RERE: variants seen among roughly 807,000 people sequenced by gnomAD.
RERE encodes arginine-glutamic acid dipeptide repeats protein.
RERE carries 40 observed loss-of-function variants against 146.1 expected under a neutral mutation model. That is an observed-to-expected ratio of 0.27 (90% CI 0.21 to 0.36). The LOEUF is 0.36. RERE is among the 10% of genes least tolerant of loss of function. RERE has a pLI of 1.00. For missense variants in RERE, 1,933 were observed against 2,138.7 expected (o/e 0.90, Z 1.90); for synonymous variants, 1,003 against 866.0 (o/e 1.16, Z -2.78).
intron 4 of RERE, among the ~76,000 whole-genome samples, chr1:8,588,318 C>G (rs1357074557): frequency 6.6e-6 from 1 of 152,200 alleles, no homozygotes; most frequent in Non-Finnish European, 1.5e-5. Context: ...CATATTCTAG[C>G]AGGCCTTCTC....
intron 1 of RERE, among the ~76,000 whole-genome samples, chr1:8,762,919 C>T (rs762673721): frequency 1.3e-5 from 2 of 151,926 alleles, no homozygotes; most frequent in Non-Finnish European, 2.9e-5. Flanking sequence ...TTGCCTTCTA[C>T]AGTAAAGTCA....
chr1:8,431,735 G>C (rs1644098525), intron 11 of RERE, among the ~76,000 whole-genome samples: 1 of 152,118 alleles, frequency 6.6e-6, no homozygotes, highest in South Asian at 2.1e-4. Context: ...TTAGCTTACT[G>C]TAACTTTTTT....
intron 10 of RERE, among the ~76,000 whole-genome samples, chr1:8,490,874 A>G (rs1570327657): frequency 1.3e-5 from 2 of 149,960 alleles, no homozygotes; most frequent in Non-Finnish European, 2.9e-5. Flanking sequence ...ACATTATAGT[A>G]GTTTCACAGA....
intron 1 of RERE, among the ~76,000 whole-genome samples, chr1:8,668,035 C>A (rs1286544837): frequency 1.3e-5 from 2 of 152,232 alleles, no homozygotes. Flanking sequence ...CACATATCCC[C>A]TGGGGAGCAA....
At chr1:8,477,325 C>G (rs183304157) in intron 10 of RERE, among the ~76,000 whole-genome samples, 4 of 152,178 alleles carry the variant, frequency 2.6e-5, no homozygotes, top group African/African-American at 4.8e-5. Context: ...TAACTCTGGC[C>G]ACAGGGAGAA....
At chr1:8,646,017 T>TCAG (rs1647289855) in intron 2 of RERE, among the ~76,000 whole-genome samples, 1 of 152,148 alleles carries the variant, frequency 6.6e-6, no homozygotes, top group Non-Finnish European at 1.5e-5. Flanking sequence ...TTCCCAACTG[T>TCAG]TCCAAAGACA....
intron 12 of RERE, among the ~76,000 whole-genome samples, chr1:8,376,809 A>G (rs567984304): frequency 6.6e-6 from 1 of 152,254 alleles, no homozygotes; most frequent in Non-Finnish European, 1.5e-5. Context: ...AACTGCTTCC[A>G]GCTAGAAGTA....
At chr1:8,779,637 C>T (rs751664819) in intron 1 of RERE, among the ~76,000 whole-genome samples, 3 of 151,610 alleles carry the variant, frequency 2.0e-5, no homozygotes, top group South Asian at 2.1e-4. Context: ...CACTCCAGTC[C>T]GGGCGACAAA....
At chr1:8,401,038 CATATATAT>C (rs59752248) in intron 12 of RERE, among the ~76,000 whole-genome samples, 11,867 of 57,198 alleles carry the variant, frequency 0.21, 1,883 homozygotes, top group Middle Eastern at 0.58. Flanking sequence ...AAAAAAAAAC[CATATATAT>C]ATATATATAT....
chr1:8,366,345 CTG>C (rs1226709122), intron 12 of RERE, among the ~76,000 whole-genome samples: 2 of 152,242 alleles, frequency 1.3e-5, no homozygotes, highest in East Asian at 3.8e-4. Flanking sequence ...TACATTCTAG[CTG>C]TGTGTGCACG....
intron 1 of RERE, among the ~76,000 whole-genome samples, chr1:8,785,000 A>G (rs771264261): frequency 6.6e-6 from 1 of 152,224 alleles, no homozygotes; most frequent in Non-Finnish European, 1.5e-5. Context: ...TCAAAGTTCC[A>G]CACAGCTCAA....
intron 12 of RERE, among the ~76,000 whole-genome samples, chr1:8,369,279 A>T (rs1159147627): frequency 1.3e-5 from 2 of 152,160 alleles, no homozygotes; most frequent in African/African-American, 2.4e-5. Context: ...GCCAGACAGA[A>T]AAAAGGCTTA....
intron 2 of RERE, among the ~76,000 whole-genome samples, chr1:8,641,316 G>A (rs1647173647): frequency 6.6e-6 from 1 of 152,112 alleles, no homozygotes; most frequent in Admixed American, 6.5e-5. Context: ...AACTCTTTCA[G>A]CAATTTTCTT....
At chr1:8,367,175 T>G (rs972027080) in intron 12 of RERE, among the ~76,000 whole-genome samples, 1 of 152,040 alleles carries the variant, frequency 6.6e-6, no homozygotes, top group Non-Finnish European at 1.5e-5. Flanking sequence ...AGGACTAAAA[T>G]AGACAAACCA....
At chr1:8,776,876 T>A (rs1248819009) in intron 1 of RERE, among the ~76,000 whole-genome samples, 1 of 151,526 alleles carries the variant, frequency 6.6e-6, no homozygotes, top group Non-Finnish European at 1.5e-5. Flanking sequence ...TGCGCCACCA[T>A]GGCCAACTAA....
intron 6 of RERE, among the ~76,000 whole-genome samples, chr1:8,554,697 A>AAAAG (rs1645983501): frequency 6.8e-6 from 1 of 147,738 alleles, no homozygotes; most frequent in Non-Finnish European, 1.5e-5. Flanking sequence ...AAAAAAAAAA[A>AAAAG]AGACAAGAAA....
chr1:8,805,523 C>T (rs1231503805), intron 1 of RERE, among the ~76,000 whole-genome samples: 10 of 152,064 alleles, frequency 6.6e-5, no homozygotes, highest in Admixed American at 6.6e-4. Context: ...GTGGCAGGCG[C>T]CTGTAGTCCC....
chr1:8,400,234 G>A (rs916723805), intron 12 of RERE, among the ~76,000 whole-genome samples: 52 of 151,296 alleles, frequency 3.4e-4, no homozygotes, highest in East Asian at 1.2e-3. Context: ...GTGTGTGTGT[G>A]TGTGTGTGTG....
At chr1:8,477,203 T>C (rs1026894153) in intron 10 of RERE, among the ~76,000 whole-genome samples, 1 of 152,172 alleles carries the variant, frequency 6.6e-6, no homozygotes, top group Non-Finnish European at 1.5e-5. Flanking sequence ...AGCCACAGAA[T>C]AGTAGAAAGG....
Sources: gnomAD v4.1 joint callset for allele counts (sites outside exome capture counted in the v4.1 genomes callset) on GRCh38, gnomAD v4.1.1 for gene constraint, MANE v1.5 for transcripts, NCBI Gene and HGNC (gene_info 2026-07-23, HGNC 2026-07-21) for gene names.